Variants in OSBPL6 observed in about 807,000 individuals in gnomAD.
The protein encoded by OSBPL6 is oxysterol binding protein like 6.
OSBPL6 carries 49 observed loss-of-function variants against 125.8 expected under a neutral mutation model. The ratio of observed to expected loss-of-function variants is 0.39; its 90% confidence interval spans 0.31 to 0.49. OSBPL6 has a LOEUF of 0.49. Among genes scored for constraint, OSBPL6 ranks in the 20% least tolerant of loss-of-function variants. The pLI is 0.88. For synonymous variants in OSBPL6, 394 were observed against 391.8 expected, an observed-to-expected ratio of 1.01 and a Z score of -0.07; for missense variants, 986 against 1,135.4, an observed-to-expected ratio of 0.87 and a Z score of 1.89.
At position 178,402,416 on chromosome 2, in the gene OSBPL6, G is replaced by T. The variant is rs1483047885; in HGVS notation, c.*6857G>T. ...GGCTTTGTCTATGTCTCTAAGGGGA[G>T]TTTTTCAGTTGACTGATGAGGTCCT... is the stretch of plus-strand genomic sequence containing the variant. On this transcript the variant is annotated 3_prime_UTR_variant, in exon 25 of 25. Transcript: ENST00000190611. 6.6e-6 allele frequency: 1 copy of T among 152,178 alleles called. No individual in the cohort carries two copies. Among genetic ancestry groups the T allele is most frequent in the Non-Finnish European group, 1.5e-5 (1 of 68,048 alleles). The allele number at this position is 152,178 out of a possible 1,614,324, so 9.4% of individuals were successfully genotyped here.
intron 1 of OSBPL6, among the ~76,000 whole-genome samples, chr2:178,217,454 G>C (rs935481516): frequency 1.3e-5 from 2 of 152,118 alleles, no homozygotes; most frequent in Non-Finnish European, 2.9e-5. Context: ...TTTTGTCATC[G>C]CACGCCAGGA....
At chr2:178,222,861 T>C (rs979752936) in intron 1 of OSBPL6, among the ~76,000 whole-genome samples, 20 of 152,376 alleles carry the variant, frequency 1.3e-4, no homozygotes, top group African/African-American at 4.8e-4. Flanking sequence ...TCATATTTTC[T>C]TCTCTAGTAT....
intron 2 of OSBPL6, among the ~76,000 whole-genome samples, chr2:178,291,665 T>TCTTCCTTC (rs71023439): frequency 0.24 from 32,890 of 135,234 alleles, 4,365 homozygotes; most frequent in Middle Eastern, 0.31. Context: ...ACAGGTAGTC[T>TCTTCCTTC]CTTCCTTCCT....
At chr2:178,270,762 A>G (rs549887288) in intron 1 of OSBPL6, among the ~76,000 whole-genome samples, 2 of 152,310 alleles carry the variant, frequency 1.3e-5, no homozygotes, top group South Asian at 4.1e-4. Flanking sequence ...AGAATAATCC[A>G]TTGGTCTTGG....
chr2:178,229,562 G>A lies in OSBPL6; in HGVS notation c.-351+34888G>A, dbSNP rs1346419178. On this transcript the variant is annotated intron_variant, in intron 1 of 24. Transcript: ENST00000190611. ...TGCAAACTGTGGGCTGGGTGAGGTG[G>A]TTCACTGCTGTAATCCCAGCACTTT... Among the ~76,000 whole-genome samples, 3 of 152,302 alleles carry A rather than the reference G, an allele frequency of 2.0e-5. No homozygotes were observed. The East Asian group carries it at 5.8e-4, about 29-fold the overall frequency.
At chr2:178,322,236 G>A (rs1688308317) in intron 3 of OSBPL6, among the ~76,000 whole-genome samples, 1 of 151,954 alleles carries the variant, frequency 6.6e-6, no homozygotes, top group South Asian at 2.1e-4. Context: ...TTCTTACCAC[G>A]TTTTTTTGGA....
At chr2:178,282,843 G>T (rs1684336976) in intron 1 of OSBPL6, among the ~76,000 whole-genome samples, 1 of 152,044 alleles carries the variant, frequency 6.6e-6, no homozygotes, top group Admixed American at 6.6e-5. Flanking sequence ...AGTAGAGATG[G>T]GGTTTCACCA....
rs1686737363 is a variant in OSBPL6, at chr2:178,306,132, G to C, written c.-53G>C. ...CATCTACTTCTTTGTTTGTGGATTT[G>C]AGAGAAGATTGGGATGGTCTTAAGT... On this transcript the variant is annotated 5_prime_UTR_variant, in exon 3 of 25. The change abolishes the stop of an existing upstream ORF in the 5' untranslated region. Coordinates refer to ENST00000190611, the MANE Select transcript of OSBPL6 (RefSeq NM_032523.4). 1.4e-5 allele frequency: 15 copies of C among 1,084,426 alleles called. No individual in the cohort carries two copies. The South Asian group carries it at 1.9e-4, about 14-fold the overall frequency. The allele number at this position is 1,084,426 out of a possible 1,614,324, so 67.2% of individuals were successfully genotyped here. A position where few individuals can be genotyped will look rare whatever the true frequency, so the allele number is the denominator to read the frequency against.
chr2:178,372,870 A>C (rs549403306), intron 14 of OSBPL6, among the ~76,000 whole-genome samples: 1 of 150,846 alleles, frequency 6.6e-6, no homozygotes, highest in African/African-American at 2.4e-5. Flanking sequence ...AGAGAATAGG[A>C]GAACATTCAG....
chr2:178,240,297 T>G, intron 1 of OSBPL6, among the ~76,000 whole-genome samples: 1 of 152,172 alleles, frequency 6.6e-6, no homozygotes, highest in East Asian at 1.9e-4. Context: ...CTGGGTGCGG[T>G]GGCTCACACC....
rs986510442 is a variant in OSBPL6 at position 178,248,535 on chromosome 2, A to G, written c.-350-36392A>G. Among the ~76,000 whole-genome samples, 23 of 152,176 alleles carry G rather than the reference A, an allele frequency of 1.5e-4. 1 individual carries two copies. Among genetic ancestry groups the G allele is most frequent in the Admixed American group, 1.3e-3 (20 of 15,272 alleles). ...TGATGTTAGTTGTTTTGGGGTTAGGAAAGGACAGCTGGTGGAAAACATGGA... is the reference window on the plus strand; with the variant it reads ...TGATGTTAGTTGTTTTGGGGTTAGGGAAGGACAGCTGGTGGAAAACATGGA... On this transcript the variant is annotated intron_variant, in intron 1 of 24. Transcript: ENST00000190611.
chr2:178,226,027 GC>G (rs2090546341), intron 1 of OSBPL6, among the ~76,000 whole-genome samples: 1 of 152,184 alleles, frequency 6.6e-6, no homozygotes, highest in Non-Finnish European at 1.5e-5. Flanking sequence ...AGGCAAAGCA[GC>G]CCGGAGCTAG....
intron 16 of OSBPL6, 68 bp downstream of exon 16, chr2:178,382,575 A>G: frequency 1.2e-6 from 2 of 1,602,670 alleles, no homozygotes; most frequent in Non-Finnish European, 1.7e-6. Context: ...GACTTAATGA[A>G]CAGGCATTCC....
At chr2:178,237,060 T>C (rs1009545464) in intron 1 of OSBPL6, among the ~76,000 whole-genome samples, 8 of 152,184 alleles carry the variant, frequency 5.3e-5, no homozygotes, top group Non-Finnish European at 7.3e-5. Flanking sequence ...ATGTCATTCT[T>C]TTACCTTTTA....
chr2:178,354,618 G>A (rs1691597754), intron 12 of OSBPL6, among the ~76,000 whole-genome samples: 1 of 152,122 alleles, frequency 6.6e-6, no homozygotes, highest in African/African-American at 2.4e-5. Flanking sequence ...AGGAGATTTA[G>A]ACTCCCACAC....
intron 12 of OSBPL6, among the ~76,000 whole-genome samples, chr2:178,354,165 G>T (rs1447790420): frequency 6.6e-6 from 1 of 152,200 alleles, no homozygotes; most frequent in Non-Finnish European, 1.5e-5. Context: ...ATGCTATGAA[G>T]AAACTGCGTC....
chr2:178,336,707 C>T (rs1689721185), intron 9 of OSBPL6, among the ~76,000 whole-genome samples: 1 of 152,132 alleles, frequency 6.6e-6, no homozygotes, highest in Non-Finnish European at 1.5e-5. Context: ...TCAGCCTTCT[C>T]TCCTTGTCTT....
intron 11 of OSBPL6, chr2:178,344,257 T>C (rs1199153518): frequency 6.3e-7 from 1 of 1,594,406 alleles, no homozygotes; most frequent in East Asian, 2.2e-5. Flanking sequence ...GTCCTGTGTT[T>C]CCTCCCCTCT....
intron 1 of OSBPL6, among the ~76,000 whole-genome samples, chr2:178,204,983 C>A (rs1447719021): frequency 6.6e-6 from 1 of 152,180 alleles, no homozygotes; most frequent in Non-Finnish European, 1.5e-5. Context: ...TATTGTTAAT[C>A]CTTTACCCCC....
Sources: allele counts gnomAD v4.1 joint callset (sites outside exome capture counted in the v4.1 genomes callset), GRCh38; gene constraint gnomAD v4.1.1; transcripts MANE v1.5; gene names NCBI Gene and HGNC (gene_info 2026-07-23, HGNC 2026-07-21).